SSBP2: variants seen among roughly 807,000 people sequenced by gnomAD.
The protein encoded by SSBP2 is single stranded DNA binding protein 2, also known as single-stranded DNA-binding protein 2.
A neutral mutation model predicts 61.8 loss-of-function variants in SSBP2; 17 were observed. The ratio of observed to expected loss-of-function variants is 0.28; its 90% confidence interval spans 0.19 to 0.41. The LOEUF is 0.41. SSBP2 is among the 10% of genes least tolerant of loss of function. SSBP2 has a pLI of 1.00. For missense variants in SSBP2, 310 were observed against 458.7 expected, an observed-to-expected ratio of 0.68 and a Z score of 2.96; for synonymous variants, 139 against 141.3, an observed-to-expected ratio of 0.98 and a Z score of 0.12.
intron 4 of SSBP2, among the ~76,000 whole-genome samples, chr5:81,533,719 T>G (rs1016105735): frequency 2.6e-5 from 4 of 152,102 alleles, no homozygotes; most frequent in African/African-American, 9.7e-5. Context: ...GCAATTTACC[T>G]GAGCAAAACT....
chr5:81,437,164 G>T (rs1762725000), intron 15 of SSBP2, among the ~76,000 whole-genome samples: 1 of 151,108 alleles, frequency 6.6e-6, no homozygotes, highest in Non-Finnish European at 1.5e-5. Context: ...GATTAAATTT[G>T]TTATTACTTG....
chr5:81,730,882 C>T (rs907692702), intron 1 of SSBP2, among the ~76,000 whole-genome samples: 12 of 152,086 alleles, frequency 7.9e-5, no homozygotes, highest in African/African-American at 2.9e-4. Context: ...TCACTAAAAA[C>T]GTACTTAATA....
chr5:81,437,774 A>C (rs1478945423), intron 14 of SSBP2: 1 of 174,908 alleles, frequency 5.7e-6, no homozygotes, highest in Admixed American at 5.9e-5. Flanking sequence ...CCCAATTAAA[A>C]ATTTAAAAAT....
intron 4 of SSBP2, among the ~76,000 whole-genome samples, chr5:81,588,561 A>C (rs949745815): frequency 4.9e-4 from 74 of 151,956 alleles, no homozygotes; most frequent in Non-Finnish European, 8.8e-5. Context: ...TAATATATCT[A>C]TACAACCAGG....
chr5:81,677,026 G>A (rs1458498874), intron 1 of SSBP2, among the ~76,000 whole-genome samples: 1 of 152,118 alleles, frequency 6.6e-6, no homozygotes, highest in African/African-American at 2.4e-5. Context: ...TAATTAATAC[G>A]CAGGGTAAAG....
At chr5:81,705,183 T>C (rs1581387300) in intron 1 of SSBP2, among the ~76,000 whole-genome samples, 1 of 152,172 alleles carries the variant, frequency 6.6e-6, no homozygotes, top group East Asian at 1.9e-4. Flanking sequence ...ATAGTGCCTA[T>C]ATATGTGAAC....
At chr5:81,432,971 C>T (rs535629353) in intron 15 of SSBP2, among the ~76,000 whole-genome samples, 16 of 131,132 alleles carry the variant, frequency 1.2e-4, no homozygotes, top group African/African-American at 2.5e-4. Flanking sequence ...CCGCCCCGTC[C>T]GGGAGGGAGG....
intron 1 of SSBP2, among the ~76,000 whole-genome samples, chr5:81,730,462 T>A (rs561963808): frequency 6.6e-6 from 1 of 152,282 alleles, no homozygotes; most frequent in Non-Finnish European, 1.5e-5. Flanking sequence ...TGACCTCAGG[T>A]GATCCACCTG....
At chr5:81,649,823 GAGA>G (rs1488583103) in intron 2 of SSBP2, among the ~76,000 whole-genome samples, 1 of 151,218 alleles carries the variant, frequency 6.6e-6, no homozygotes, top group African/African-American at 2.4e-5. Flanking sequence ...AGAAGAGAAA[GAGA>G]AGAACTTGAA....
At chr5:81,489,373 A>C (rs1766685532) in intron 5 of SSBP2, 64 bp from the exon 6 acceptor site, 8 of 1,340,120 alleles carry the variant, frequency 6.0e-6, no homozygotes, top group Non-Finnish European at 8.1e-6. Flanking sequence ...TACATATCTG[A>C]AAATAAACTA....
intron 5 of SSBP2, among the ~76,000 whole-genome samples, chr5:81,509,520 C>G (rs1554077786): frequency 1.3e-5 from 2 of 152,156 alleles, no homozygotes; most frequent in Non-Finnish European, 2.9e-5. Flanking sequence ...GAAACCAATG[C>G]TGATATTTAG....
intron 12 of SSBP2, among the ~76,000 whole-genome samples, chr5:81,444,129 A>G (rs1209272381): frequency 6.6e-6 from 1 of 152,228 alleles, no homozygotes; most frequent in Non-Finnish European, 1.5e-5. Context: ...CTATTTGAAT[A>G]TATCATAATG....
At position 81,415,420 on chromosome 5, in the gene SSBP2, T is replaced by C. The variant is rs1347981206; in HGVS notation, c.*5084A>G. 6.6e-6 allele frequency: 1 copy of C among 152,240 alleles called. No homozygotes were observed. Among genetic ancestry groups the C allele is most frequent in the Non-Finnish European group, 1.5e-5 (1 of 68,046 alleles). The allele number at this position is 152,240 out of a possible 1,614,324, so 9.4% of individuals were successfully genotyped here. On this transcript the variant is annotated 3_prime_UTR_variant, in exon 17 of 17. Transcript: ENST00000320672. The stretch of plus-strand genomic sequence containing the variant: ...ATATACTTCAAATCATCTCGTTTAC[T>C]TATAATACCTAATACAATGTATTAT...
chr5:81,555,944 T>C (rs1772561104), intron 4 of SSBP2, among the ~76,000 whole-genome samples: 1 of 152,068 alleles, frequency 6.6e-6, no homozygotes, highest in Non-Finnish European at 1.5e-5. Flanking sequence ...AGATAGTAAA[T>C]ATATTAGGCT....
chr5:81,660,427 C>T (rs1561664765), intron 1 of SSBP2, among the ~76,000 whole-genome samples: 1 of 152,160 alleles, frequency 6.6e-6, no homozygotes, highest in South Asian at 2.1e-4. Flanking sequence ...TTCATCATCA[C>T]TGATTAGAAA....
intron 3 of SSBP2, among the ~76,000 whole-genome samples, chr5:81,619,559 A>C (rs1182045694): frequency 6.7e-6 from 1 of 148,284 alleles, no homozygotes; most frequent in Non-Finnish European, 1.5e-5. Context: ...TTCTGAAACT[A>C]TTCCAATCAA....
At chr5:81,545,103 T>C (rs1771627000) in intron 4 of SSBP2, among the ~76,000 whole-genome samples, 1 of 152,222 alleles carries the variant, frequency 6.6e-6, no homozygotes, top group South Asian at 2.1e-4. Flanking sequence ...TAACAATTAA[T>C]AAGTATACAG....
At chr5:81,654,512 C>T (rs1363340304) in intron 1 of SSBP2, among the ~76,000 whole-genome samples, 1 of 152,170 alleles carries the variant, frequency 6.6e-6, no homozygotes, top group Non-Finnish European at 1.5e-5. Context: ...GTATTGGATT[C>T]TAAGGACACT....
intron 4 of SSBP2, among the ~76,000 whole-genome samples, chr5:81,514,622 T>G (rs1768868677): frequency 6.6e-6 from 1 of 152,076 alleles, no homozygotes; most frequent in Non-Finnish European, 1.5e-5. Flanking sequence ...TGAACAGTTC[T>G]GCTATGATGA....
Sources: gnomAD v4.1 joint callset for allele counts (sites outside exome capture counted in the v4.1 genomes callset) on GRCh38, gnomAD v4.1.1 for gene constraint, MANE v1.5 for transcripts, NCBI Gene and HGNC (gene_info 2026-07-23, HGNC 2026-07-21) for gene names.